Variants in AFF3 observed in about 807,000 individuals in gnomAD.
The protein encoded by AFF3 is AF4/FMR2 family member 3.
A neutral mutation model predicts 129.7 loss-of-function variants in AFF3; 32 were observed. The observed-to-expected ratio is 0.25, with a 90% CI of 0.19 to 0.33. AFF3 has a LOEUF of 0.33. AFF3 is among the 10% of genes least tolerant of loss of function. The pLI, the probability that AFF3 is intolerant of heterozygous loss-of-function variation, is 1.00. For missense variants in AFF3, 1,373 were observed against 1,592.0 expected, an observed-to-expected ratio of 0.86 and a Z score of 2.34; for synonymous variants, 644 against 635.4, an observed-to-expected ratio of 1.01 and a Z score of -0.20.
intron 8 of AFF3, among the ~76,000 whole-genome samples, chr2:99,778,583 C>A (rs1684127764): frequency 6.6e-6 from 1 of 152,192 alleles, no homozygotes; most frequent in Admixed American, 6.5e-5. Flanking sequence ...GTCTGCCAAT[C>A]TATCTTAACA....
intron 8 of AFF3, among the ~76,000 whole-genome samples, chr2:99,804,338 T>G (rs994109659): frequency 6.6e-6 from 1 of 152,126 alleles, no homozygotes; most frequent in African/African-American, 2.4e-5. Flanking sequence ...TGAAAAAATG[T>G]TCAACATCAG....
chr2:99,996,446 G>C (rs758541802), intron 7 of AFF3, among the ~76,000 whole-genome samples: 1 of 151,394 alleles, frequency 6.6e-6, no homozygotes, highest in African/African-American at 2.4e-5. Context: ...GTCTCACTCC[G>C]TTGCCCAGGC....
chr2:99,883,604 T>C (rs1692888811), intron 7 of AFF3, among the ~76,000 whole-genome samples: 1 of 152,248 alleles, frequency 6.6e-6, no homozygotes, highest in African/African-American at 2.4e-5. Context: ...AAAGGTCTTT[T>C]TTCTTTTGGC....
intron 7 of AFF3, among the ~76,000 whole-genome samples, chr2:99,852,654 C>T (rs1045621069): frequency 3.3e-5 from 5 of 152,116 alleles, no homozygotes; most frequent in South Asian, 2.1e-4. Flanking sequence ...GCACATTCTA[C>T]GGGGGAGCAG....
intron 4 of AFF3, among the ~76,000 whole-genome samples, chr2:100,065,458 A>C (rs1687638735): frequency 6.6e-6 from 1 of 152,264 alleles, no homozygotes; most frequent in Non-Finnish European, 1.5e-5. Context: ...AGCCCTAAAG[A>C]TCATTATCTC....
intron 4 of AFF3, among the ~76,000 whole-genome samples, chr2:100,072,740 C>T (rs1688295442): frequency 6.6e-6 from 1 of 152,208 alleles, no homozygotes; most frequent in Non-Finnish European, 1.5e-5. Flanking sequence ...GCTAGGAATC[C>T]ACCATATCAC....
At chr2:99,716,312 T>C (rs989980874) in intron 11 of AFF3, among the ~76,000 whole-genome samples, 7 of 152,176 alleles carry the variant, frequency 4.6e-5, no homozygotes, top group Non-Finnish European at 8.8e-5. Context: ...AGAAACAATA[T>C]AAGAGCTCTG....
intron 15 of AFF3, among the ~76,000 whole-genome samples, chr2:99,590,029 A>G (rs1376727202): frequency 1.3e-5 from 2 of 152,214 alleles, no homozygotes; most frequent in Admixed American, 1.3e-4. Context: ...ATATGTGTGC[A>G]GCCCACCAGT....
chr2:99,663,909 C>G lies in AFF3; in HGVS notation c.1143+8629G>C, dbSNP rs555748835. On this transcript the variant is annotated intron_variant, in intron 12 of 24. Transcript: ENST00000672756. ...TTAATCATGTGTCCCTGTCCTCATG[C>G]CTTAGCTATAGTAATGCCATCTACT... 4.6e-5 allele frequency among the ~76,000 whole-genome samples: 7 copies of G among 152,298 alleles called. No individual in the cohort carries two copies. The South Asian group carries it at 1.5e-3, about 32-fold the overall frequency.
At chr2:99,866,998 AAT>A (rs1488485067) in intron 7 of AFF3, among the ~76,000 whole-genome samples, 7 of 104,556 alleles carry the variant, frequency 6.7e-5, no homozygotes, top group African/African-American at 2.9e-4. Context: ...TAATAATAAT[AAT>A]AAAAAATAAA....
At chr2:99,911,350 T>C (rs1344036132) in intron 7 of AFF3, among the ~76,000 whole-genome samples, 1 of 149,990 alleles carries the variant, frequency 6.7e-6, no homozygotes, top group East Asian at 2.0e-4. Flanking sequence ...ATCGTGCCAC[T>C]GCACTCCAGC....
At chr2:99,651,833 G>GA (rs1281543098) in intron 12 of AFF3, among the ~76,000 whole-genome samples, 1 of 151,670 alleles carries the variant, frequency 6.6e-6, no homozygotes. Flanking sequence ...CTTCAGGTTA[G>GA]AAAAAAAAGT....
At chr2:100,064,535 C>T (rs541300261) in intron 4 of AFF3, among the ~76,000 whole-genome samples, 1 of 152,332 alleles carries the variant, frequency 6.6e-6, no homozygotes, top group African/African-American at 2.4e-5. Context: ...TTCAACTTAA[C>T]ACAACTGTCC....
In AFF3 at chr2:99,684,015, A is replaced by G. The variant is rs552008647; in HGVS notation, c.1092-11426T>C. On this transcript the variant is annotated intron_variant, in intron 11 of 24. Transcript: ENST00000672756. ...CCTACAAGTTCCCCAGTGTCCTTCC[A>G]AATTTATAGTCACGTGTGGGACACA... is the stretch of plus-strand genomic sequence containing the variant. Among the ~76,000 whole-genome samples the G allele has an allele frequency of 4.4e-4, 67 of 152,216 alleles. 1 individual carries two copies. In the South Asian group the frequency reaches 0.013, roughly 30 times the overall value.
At chr2:100,026,118 C>T (rs1259176042) in intron 4 of AFF3, among the ~76,000 whole-genome samples, 1 of 152,180 alleles carries the variant, frequency 6.6e-6, no homozygotes, top group African/African-American at 2.4e-5. Flanking sequence ...AGACAACCCA[C>T]AGAGTGGGAG....
intron 13 of AFF3, among the ~76,000 whole-genome samples, chr2:99,616,828 A>G (rs1681487391): frequency 6.6e-6 from 1 of 152,138 alleles, no homozygotes; most frequent in Admixed American, 6.5e-5. Context: ...CCTTGCCCCC[A>G]GCCCTAAGCA....
chr2:99,694,001 G>A (rs1022073803), intron 11 of AFF3, among the ~76,000 whole-genome samples: 10 of 151,034 alleles, frequency 6.6e-5, no homozygotes, highest in Admixed American at 6.6e-4. Context: ...CACTGCAACC[G>A]CTGCCTCCCG....
chr2:100,134,756 C>T (rs983587042), intron 1 of AFF3, among the ~76,000 whole-genome samples: 1 of 152,164 alleles, frequency 6.6e-6, no homozygotes, highest in African/African-American at 2.4e-5. Context: ...GAAAAGTTAT[C>T]CAATCGTTCA....
intron 4 of AFF3, among the ~76,000 whole-genome samples, chr2:100,079,810 T>C (rs1688898416): frequency 6.6e-6 from 1 of 152,208 alleles, no homozygotes; most frequent in African/African-American, 2.4e-5. Flanking sequence ...AAAGGTCTGA[T>C]GCCGCAGATG....
Sources: allele counts gnomAD v4.1 joint callset (sites outside exome capture counted in the v4.1 genomes callset), GRCh38; gene constraint gnomAD v4.1.1; transcripts MANE v1.5; gene names NCBI Gene and HGNC (gene_info 2026-07-23, HGNC 2026-07-21).